METTL15: variants seen among roughly 807,000 people sequenced by gnomAD.
METTL15 encodes the protein methyltransferase 15, mitochondrial 12S rRNA N4-cytidine.
METTL15 carries 34 observed loss-of-function variants against 38.3 expected under a neutral mutation model. That is an observed-to-expected ratio of 0.89 (90% confidence interval 0.68 to 1.18). The LOEUF (loss-of-function observed/expected upper bound fraction) is 1.18. Ranked by LOEUF, METTL15 falls within the 50% of genes most tolerant of loss-of-function variation. The pLI is 0.00. For missense variants in METTL15, 438 were observed against 498.4 expected, an observed-to-expected ratio of 0.88 and a Z score of 1.15; for synonymous variants, 162 against 170.9, an observed-to-expected ratio of 0.95 and a Z score of 0.41.
chr11:28,478,951 G>A (rs1033645316), intron 6 of METTL15, among the ~76,000 whole-genome samples: 5 of 152,090 alleles, frequency 3.3e-5, no homozygotes, highest in African/African-American at 1.2e-4. Flanking sequence ...TTAAGGTGCA[G>A]ATTGATGTGA....
intron 5 of METTL15, among the ~76,000 whole-genome samples, chr11:28,373,305 T>C (rs1478837350): frequency 6.6e-6 from 1 of 152,122 alleles, no homozygotes; most frequent in African/African-American, 2.4e-5. Context: ...TTTTTAATGA[T>C]TGCCATTCTA....
At chr11:28,258,240 C>T (rs999600878) in intron 4 of METTL15, among the ~76,000 whole-genome samples, 3 of 152,170 alleles carry the variant, frequency 2.0e-5, no homozygotes, top group African/African-American at 4.8e-5. Flanking sequence ...TGGGGTATCT[C>T]TCTCTGTTCT....
chr11:28,215,605 A>G (rs1435533717), intron 4 of METTL15, among the ~76,000 whole-genome samples: 3 of 152,216 alleles, frequency 2.0e-5, no homozygotes, highest in Non-Finnish European at 4.4e-5. Flanking sequence ...CTAAAATTGT[A>G]TAAAATATTT....
intron 6 of METTL15, among the ~76,000 whole-genome samples, chr11:28,470,781 T>G (rs1336743876): frequency 6.6e-6 from 1 of 152,134 alleles, no homozygotes; most frequent in Non-Finnish European, 1.5e-5. Flanking sequence ...ATTTCCTTTT[T>G]GTTACTTGAG....
At chr11:28,310,278 A>G (rs1461015918) in intron 6 of METTL15, among the ~76,000 whole-genome samples, 1 of 152,142 alleles carries the variant, frequency 6.6e-6, no homozygotes, top group East Asian at 1.9e-4. Context: ...AAAACTGGGA[A>G]CCAAGAGCAG....
rs532455704 is a variant in METTL15 at position 28,389,589 on chromosome 11, C to G, written c.*358+27553C>G. ...TCATTTTTAATGGCTGCATAGCATTCCATGTTGTATATGTGCCACATTTTC... is the reference window on the plus strand; with the variant it reads ...TCATTTTTAATGGCTGCATAGCATTGCATGTTGTATATGTGCCACATTTTC... On this transcript the variant is annotated intron_variant and NMD_transcript_variant, in intron 5 of 7. Coordinates refer to the METTL15 transcript ENST00000532947. Among the ~76,000 whole-genome samples the G allele has an allele frequency of 7.2e-5, 11 of 152,118 alleles. No homozygotes were observed. In the South Asian group the frequency reaches 2.1e-3, roughly 29 times the overall value.
At chr11:28,264,868 T>G (rs1855348760) in intron 4 of METTL15, among the ~76,000 whole-genome samples, 1 of 152,142 alleles carries the variant, frequency 6.6e-6, no homozygotes, top group South Asian at 2.1e-4. Flanking sequence ...TTTGTAATAT[T>G]TAAGTTGTAA....
At chr11:28,283,503 G>A (rs563281904) in intron 4 of METTL15, among the ~76,000 whole-genome samples, 1 of 152,222 alleles carries the variant, frequency 6.6e-6, no homozygotes, top group African/African-American at 2.4e-5. Context: ...GAATGATGAA[G>A]GTCCATGTTC....
At chr11:28,133,529 C>T (rs1849409244) in intron 3 of METTL15, among the ~76,000 whole-genome samples, 1 of 152,146 alleles carries the variant, frequency 6.6e-6, no homozygotes, top group African/African-American at 2.4e-5. Flanking sequence ...ATTAGGTTGA[C>T]CAGTGTAATC....
At chr11:28,130,278 T>C (rs1852703127) in intron 3 of METTL15, among the ~76,000 whole-genome samples, 1 of 151,974 alleles carries the variant, frequency 6.6e-6, no homozygotes, top group Non-Finnish European at 1.5e-5. Context: ...ACCACTGCAC[T>C]CCAGCCTGGG....
In METTL15 at chr11:28,414,488, G is replaced by A. The variant is rs370334811; in HGVS notation, c.*359-9811G>A. 1.4e-4 allele frequency among the ~76,000 whole-genome samples: 21 copies of A among 152,176 alleles called. No individual in the cohort carries two copies. The East Asian group carries it at 3.5e-3, about 25-fold the overall frequency. ...AGATAGAGACCTAATCTGAAGAGGG[G>A]CAAGGAATAGAGCCAACACACCCAA... On this transcript the variant is annotated intron_variant and NMD_transcript_variant, in intron 5 of 7. Coordinates refer to the METTL15 transcript ENST00000532947.
chr11:28,361,137 T>C (rs1249341538), intron 4 of METTL15, among the ~76,000 whole-genome samples: 2 of 151,220 alleles, frequency 1.3e-5, no homozygotes, highest in Non-Finnish European at 2.9e-5. Flanking sequence ...CATGTGTCTT[T>C]ATAGCAGCAT....
intron 6 of METTL15, among the ~76,000 whole-genome samples, chr11:28,498,377 C>T (rs1259056090): frequency 6.6e-6 from 1 of 152,088 alleles, no homozygotes; most frequent in Non-Finnish European, 1.5e-5. Context: ...CCAGGATGGT[C>T]TCGATCTCCT....
intron 3 of METTL15, among the ~76,000 whole-genome samples, chr11:28,180,349 TAA>T (rs1851237722): frequency 6.6e-6 from 1 of 151,878 alleles, no homozygotes; most frequent in African/African-American, 2.4e-5. Context: ...AGAAGCGAAT[TAA>T]AAATAATCTG....
At chr11:28,295,878 A>G (rs1856714968) in intron 5 of METTL15, among the ~76,000 whole-genome samples, 1 of 152,136 alleles carries the variant, frequency 6.6e-6, no homozygotes, top group Non-Finnish European at 1.5e-5. Context: ...CCAACAATCA[A>G]TCCAGCATAT....
chr11:28,460,290 T>C (rs963319389), intron 6 of METTL15, among the ~76,000 whole-genome samples: 33 of 152,002 alleles, frequency 2.2e-4, no homozygotes, highest in African/African-American at 8.0e-4. Flanking sequence ...AATATCTATT[T>C]CTACCTACTT....
intron 4 of METTL15, among the ~76,000 whole-genome samples, chr11:28,279,728 G>A (rs1014932161): frequency 1.5e-4 from 23 of 152,078 alleles, no homozygotes; most frequent in Middle Eastern, 6.8e-3. Context: ...GTGAAACCCC[G>A]TCTCTACCAA....
intron 6 of METTL15, among the ~76,000 whole-genome samples, chr11:28,318,502 C>G (rs539848559): frequency 2.6e-5 from 4 of 152,100 alleles, no homozygotes; most frequent in Non-Finnish European, 5.9e-5. Context: ...GAAATGAGAA[C>G]AAGAAGCACT....
intron 5 of METTL15, among the ~76,000 whole-genome samples, chr11:28,369,084 T>C (rs959296301): frequency 5.3e-5 from 8 of 152,032 alleles, no homozygotes; most frequent in Non-Finnish European, 4.4e-5. Context: ...CAAGCCACCA[T>C]GGCACCTGTA....
Sources: allele counts gnomAD v4.1 joint callset (sites outside exome capture counted in the v4.1 genomes callset), GRCh38; gene constraint gnomAD v4.1.1; transcripts MANE v1.5; gene names NCBI Gene and HGNC (gene_info 2026-07-23, HGNC 2026-07-21).